The following ZNF707 variants were observed in gnomAD, a reference collection of about 807,000 sequenced individuals.
ZNF707 encodes the protein zinc finger protein 707.
A neutral mutation model predicts 13.3 loss-of-function variants in ZNF707; 8 were observed. That is an observed-to-expected ratio of 0.60 (90% CI 0.35 to 1.09). ZNF707 has a LOEUF of 1.09. ZNF707 is among the 50% of genes least tolerant of loss of function. The pLI, the probability that ZNF707 is intolerant of heterozygous loss-of-function variation, is 0.02. For synonymous variants in ZNF707, 225 were observed against 205.6 expected, an observed-to-expected ratio of 1.09 and a Z score of -0.81; for missense variants, 530 against 512.6, an observed-to-expected ratio of 1.03 and a Z score of -0.33.
intron 2 of ZNF707, among the ~76,000 whole-genome samples, chr8:143,689,585 C>T (rs1398116058): frequency 6.6e-6 from 1 of 152,154 alleles, no homozygotes; most frequent in African/African-American, 2.4e-5. Context: ...CAGGTTTTCA[C>T]TTGGGGGAAG....
At chr8:143,686,329 C>G (rs1816269727) in intron 1 of ZNF707, among the ~76,000 whole-genome samples, 1 of 152,100 alleles carries the variant, frequency 6.6e-6, no homozygotes, top group Non-Finnish European at 1.5e-5. Context: ...GCCTCGGCCT[C>G]CCCAAGTGCT....
In ZNF707 at chr8:143,694,899, G is replaced by A. The variant is rs1240232147; in HGVS notation, c.*369G>A. ...GGCTCAGGGACTCCACCCTGGCCCCGAGTCGCCGTCTGCTGGGCCTTTCCT... is the reference window on the plus strand; with the variant it reads ...GGCTCAGGGACTCCACCCTGGCCCCAAGTCGCCGTCTGCTGGGCCTTTCCT... On this transcript the variant is annotated 3_prime_UTR_variant, in exon 6 of 6. Transcript: ENST00000358656. This position sits in a 1 kb window ranked among gnomAD's most constrained non-coding sequence, Gnocchi z 4.4. The A allele has an allele frequency of 2.6e-5, 6 of 231,084 alleles. No homozygotes were observed. The highest frequency in any genetic ancestry group is 1.1e-4 in the African/African-American group (5 of 44,146). The allele number at this position is 231,084 out of a possible 1,614,324, so 14.3% of individuals were successfully genotyped here. A position where few individuals can be genotyped will look rare whatever the true frequency, so the allele number is the denominator to read the frequency against.
rs371296133 is a variant in ZNF707 at position 143,694,518 on chromosome 8, C to T, written c.1104C>T (p.His368=). The change falls in exon 6 of 6, where the codon CAC becomes CAT. Residue 368 remains histidine, a synonymous_variant. Coordinates refer to ENST00000358656, the MANE Select transcript of ZNF707 (RefSeq NM_001100598.2). This position sits in a 1 kb window ranked among gnomAD's most constrained non-coding sequence, Gnocchi z 4.4. ...FFTRHQRTHR[H]GEV is the part of the protein sequence containing the mutation. ...CGCGGCATCAGAGGACTCACAGGCA[C>T]GGGGAGGTGTAGGGGCGCCCGAAGA... 7.7e-4 allele frequency: 1,230 copies of T among 1,600,982 alleles called. 3 individuals are homozygous for T. The highest frequency in any genetic ancestry group is 7.6e-4 in the Non-Finnish European group (894 of 1,171,102).
intron 1 of ZNF707, chr8:143,688,677 A>G (rs1191556716): frequency 7.6e-6 from 1 of 132,000 alleles, no homozygotes; most frequent in African/African-American, 3.0e-5. Flanking sequence ...GTCTCAGTCT[A>G]ACATCCAGGC....
chr8:143,694,615 T>G lies in ZNF707; in HGVS notation c.*85T>G. On this transcript the variant is annotated 3_prime_UTR_variant, in exon 6 of 6. Coordinates refer to ENST00000358656, the MANE Select transcript of ZNF707 (RefSeq NM_001100598.2). The surrounding 1 kb of genome is among the most constrained non-coding windows in gnomAD (Gnocchi z 4.4). ...TGCAGTGAGAAGTTGCTCTTCAGCC[T>G]GGAAAATCAACCTGAATTCAGAGAA... 1 of 1,402,932 alleles carries G rather than the reference T, an allele frequency of 7.1e-7. No individual in the cohort carries two copies. Among genetic ancestry groups the G allele is most frequent in the Non-Finnish European group, 9.4e-7 (1 of 1,059,708 alleles). 86.9% of individuals were successfully genotyped at this position (1,402,932 alleles called of 1,614,324 possible).
At chr8:143,692,808 G>A (rs1816955897) in intron 5 of ZNF707, among the ~76,000 whole-genome samples, 1 of 76,944 alleles carries the variant, frequency 1.3e-5, no homozygotes, top group Non-Finnish European at 2.7e-5. Context: ...CGCATCCCCG[G>A]GTGTGTGGAG....
intron 3 of ZNF707, among the ~76,000 whole-genome samples, chr8:143,690,728 G>A (rs990472669): frequency 2.6e-5 from 4 of 152,214 alleles, no homozygotes; most frequent in Non-Finnish European, 4.4e-5. Flanking sequence ...AAAGGCTGAC[G>A]TCCAAGATCA....
At chr8:143,685,256 G>A (rs1223033649) in intron 1 of ZNF707, among the ~76,000 whole-genome samples, 3 of 152,172 alleles carry the variant, frequency 2.0e-5, no homozygotes, top group Non-Finnish European at 2.9e-5. Context: ...CAGGCAAGGT[G>A]GCTCCCGCCT....
rs59116211 is a variant in ZNF707, at chr8:143,693,463, ATT to A, written c.257-196_257-195del. 1.1e-3 allele frequency among the ~76,000 whole-genome samples: 160 copies of A among 146,242 alleles called. No individual in the cohort carries two copies. The highest frequency in any genetic ancestry group is 1.3e-3 in the Non-Finnish European group (86 of 66,258). On this transcript the variant is annotated intron_variant, in intron 5 of 5. Transcript: ENST00000358656. This position sits in a 1 kb window ranked among gnomAD's most constrained non-coding sequence, Gnocchi z 4.1. ...CCACTGCGCCCGGCTAATTTTTTGT[ATT>A]TTTTTTTTTTTAGTAGAGACGGGGT...
chr8:143,690,971 G>T (rs1205007222), intron 3 of ZNF707, 102 bp from the exon 4 acceptor site: 18 of 1,434,280 alleles, frequency 1.3e-5, no homozygotes, highest in Non-Finnish European at 9.4e-7. Context: ...CAAACAATCA[G>T]TCCACCGCAG....
rs782522100 is a variant in ZNF707, at chr8:143,693,738, C to T, written c.324C>T (p.His108=). 10 of 1,612,566 alleles carry T rather than the reference C, an allele frequency of 6.2e-6. No homozygotes were observed. In the African/African-American group the frequency reaches 6.7e-5, roughly 11 times the overall value. ...CAGCTTGGGCTCACAAGAAAACCCA[C>T]GTGCGGCGAGAAAGAGCCAGGGAAG... is the stretch of plus-strand genomic sequence containing the variant. ...DHPAWAHKKT[H]VRRERAREGS... is the part of the protein sequence containing the mutation. Residue 108 remains histidine, a synonymous_variant, in exon 6 of 6, where the codon CAC becomes CAT. Transcript: ENST00000358656. The surrounding 1 kb of genome is among the most constrained non-coding windows in gnomAD (Gnocchi z 4.1).
chr8:143,694,495 C>A lies in ZNF707; in HGVS notation c.1081C>A (p.Arg361=), dbSNP rs1443490506. 3 of 1,608,920 alleles carry A rather than the reference C, an allele frequency of 1.9e-6. No individual in the cohort carries two copies. The South Asian group carries it at 3.3e-5, about 18-fold the overall frequency. The stretch of plus-strand genomic sequence containing the variant: ...CTTCCGTCACCTGGGGTTCTTCACG[C>A]GGCATCAGAGGACTCACAGGCACGG... ...KGFRHLGFFT[R]HQRTHRHGEV is the part of the protein sequence containing the mutation. Residue 361 remains arginine, a synonymous_variant, in exon 6 of 6, where the codon CGG becomes AGG. Coordinates refer to ENST00000358656, the MANE Select transcript of ZNF707 (RefSeq NM_001100598.2). The surrounding 1 kb of genome is among the most constrained non-coding windows in gnomAD (Gnocchi z 4.4).
chr8:143,691,388 C>A, intron 4 of ZNF707, 189 bp downstream of exon 4: 3 of 1,129,312 alleles, frequency 2.7e-6, no homozygotes, highest in Non-Finnish European at 3.6e-6. Context: ...CTGGAGGCAG[C>A]CTCATCTTCC....
chr8:143,690,009 GGGCATTCCCAGGCC>G lies in ZNF707; in HGVS notation c.-52-44_-52-31del, dbSNP rs1554613055. 30 of 1,513,596 alleles carry G rather than the reference GGGCATTCCCAGGCC, an allele frequency of 2.0e-5. No individual in the cohort carries two copies. In the Admixed American group the frequency reaches 4.8e-4, roughly 24 times the overall value. 93.8% of individuals were successfully genotyped at this position (1,513,596 alleles called of 1,614,324 possible). On this transcript the variant is annotated intron_variant, in intron 2 of 5. Coordinates refer to ENST00000358656, the MANE Select transcript of ZNF707 (RefSeq NM_001100598.2). ...GGGGGCTCCTGGGGTCAGGTGCGGGGGGCATTCCCAGGCCGGCTATACCCGCTTACATTTCTTGT... is the reference window on the plus strand; with the variant it reads ...GGGGGCTCCTGGGGTCAGGTGCGGGGGGCTATACCCGCTTACATTTCTTGT...
At chr8:143,691,377 C>T (rs1816798834) in intron 4 of ZNF707, 178 bp downstream of exon 4, 9 of 1,215,228 alleles carry the variant, frequency 7.4e-6, no homozygotes, top group Middle Eastern at 2.8e-4. Context: ...TCTCGGGCTC[C>T]CTGGAGGCAG....
chr8:143,686,556 C>A (rs960288574), intron 1 of ZNF707, among the ~76,000 whole-genome samples: 9 of 152,086 alleles, frequency 5.9e-5, no homozygotes, highest in African/African-American at 2.2e-4. Flanking sequence ...AATTTTATTT[C>A]TCTTTTTTAT....
At chr8:143,691,431 C>T (rs956985368) in intron 4 of ZNF707, 169 bp from the exon 5 acceptor site, 12 of 1,037,510 alleles carry the variant, frequency 1.2e-5, no homozygotes, top group Non-Finnish European at 4.1e-6. Context: ...TTCCGTGGGC[C>T]TTGGTGTCCA....
intron 4 of ZNF707, 170 bp from the exon 5 acceptor site, chr8:143,691,430 C>T (rs1441715175): frequency 2.9e-6 from 3 of 1,023,584 alleles, no homozygotes; most frequent in Non-Finnish European, 4.2e-6. Flanking sequence ...CTTCCGTGGG[C>T]CTTGGTGTCC....
rs782257974 is a variant in ZNF707, at chr8:143,691,585, C to T, written c.143-15C>T. 1.3e-6 allele frequency: 2 copies of T among 1,589,600 alleles called. No individual in the cohort carries two copies. The highest frequency in any genetic ancestry group is 1.7e-5 in the Admixed American group (1 of 57,336). On this transcript the variant is annotated splice_polypyrimidine_tract_variant and intron_variant, in intron 4 of 5. Transcript: ENST00000358656. Reference sequence around the variant, plus strand: ...CAGTACAAGTAAAACAGAAACTTTTCTCTCCTTTGAGAAGGATTTTGCAGC... The same window carrying T: ...CAGTACAAGTAAAACAGAAACTTTTTTCTCCTTTGAGAAGGATTTTGCAGC...
Sources: gnomAD v4.1 joint callset for allele counts (sites outside exome capture counted in the v4.1 genomes callset) on GRCh38, gnomAD v4.1.1 for gene constraint, Gnocchi (gnomAD v3.1) non-coding constraint, MANE v1.5 for transcripts, NCBI Gene and HGNC (gene_info 2026-07-23, HGNC 2026-07-21) for gene names.